CSMD1: variants seen among roughly 807,000 people sequenced by gnomAD.
CSMD1 encodes CUB and sushi domain-containing protein 1.
A neutral mutation model predicts 417.5 loss-of-function variants in CSMD1; 213 were observed. The observed-to-expected ratio is 0.51, with a 90% CI of 0.46 to 0.57. CSMD1 has a LOEUF of 0.57. Ranked by LOEUF, CSMD1 falls within the 20% of genes least tolerant of loss-of-function variation. The pLI is 0.00. For missense variants in CSMD1, 6,923 were observed against 4,529.7 expected (o/e 1.53, Z -15.17); for synonymous variants, 2,862 against 1,736.8 (o/e 1.65, Z -16.11).
At chr8:3,929,069 A>G (rs528797256) in intron 5 of CSMD1, among the ~76,000 whole-genome samples, 1 of 150,606 alleles carries the variant, frequency 6.6e-6, no homozygotes, top group South Asian at 2.1e-4. Flanking sequence ...GCAGAAAATT[A>G]AAAGCACAGA....
chr8:4,331,235 G>A (rs190807279), intron 3 of CSMD1, among the ~76,000 whole-genome samples: 139 of 152,222 alleles, frequency 9.1e-4, no homozygotes, highest in African/African-American at 3.1e-3. Context: ...GAGTCCCTGT[G>A]GGAACCTCTT....
chr8:4,059,911 G>GA (rs1262882648), intron 3 of CSMD1, among the ~76,000 whole-genome samples: 3 of 151,602 alleles, frequency 2.0e-5, no homozygotes, highest in African/African-American at 7.3e-5. Flanking sequence ...CCAATCAATA[G>GA]AAAAAGAGGG....
At chr8:3,890,360 C>A (rs1315506007) in intron 5 of CSMD1, among the ~76,000 whole-genome samples, 5 of 152,020 alleles carry the variant, frequency 3.3e-5, no homozygotes, top group Non-Finnish European at 7.4e-5. Context: ...GGGTTTACTA[C>A]TTGGTAGGTA....
intron 3 of CSMD1, among the ~76,000 whole-genome samples, chr8:4,037,190 T>C (rs1226629401): frequency 6.6e-6 from 1 of 152,234 alleles, no homozygotes; most frequent in Non-Finnish European, 1.5e-5. Context: ...AGTGTTTTGA[T>C]CTTTAATATT....
chr8:4,418,200 C>A (rs547765411), intron 3 of CSMD1, among the ~76,000 whole-genome samples: 1 of 151,990 alleles, frequency 6.6e-6, no homozygotes, highest in South Asian at 2.1e-4. Flanking sequence ...CATTTCAAAT[C>A]GAAATACCAC....
At chr8:4,442,736 C>G (rs1217546) in intron 2 of CSMD1, among the ~76,000 whole-genome samples, 122,659 of 152,100 alleles carry the variant, frequency 0.81, 49,493 homozygotes, top group Middle Eastern at 0.89. Context: ...TACAATCAGT[C>G]ACTATTTTAT....
At chr8:4,969,899 G>C (rs934073468) in intron 1 of CSMD1, among the ~76,000 whole-genome samples, 2 of 152,072 alleles carry the variant, frequency 1.3e-5, no homozygotes, top group Non-Finnish European at 2.9e-5. Context: ...AATAAAGGTA[G>C]TTTAGAGTTT....
chr8:3,408,052 C>T lies in CSMD1; in HGVS notation c.1918G>A (p.Val640Ile). ...DVEPQFDFLAVKDDGISDITV... is the reference protein window; with the variant it reads ...DVEPQFDFLAIKDDGISDITV... ...ATGTCAGAAATGCCATCATCCTTGA[C>T]CGCGAGAAAGTCAAACTGAGGCTCA... The change falls in exon 14 of 70, where the codon GTC (valine) becomes ATC (isoleucine). Residue 640 changes from valine to isoleucine, a missense_variant. Val to Ile is a conservative substitution (Grantham distance 29). Transcript: ENST00000635120. 6.2e-7 allele frequency: 1 copy of T among 1,613,902 alleles called. No individual in the cohort carries two copies. The highest frequency in any genetic ancestry group is 1.1e-5 in the South Asian group (1 of 91,066).
At chr8:4,847,591 G>T (rs6558924) in intron 1 of CSMD1, among the ~76,000 whole-genome samples, 130,600 of 152,016 alleles carry the variant, frequency 0.86, 56,963 homozygotes, top group East Asian at 1. Context: ...ATTCTTTTCA[G>T]TTTTGCCTAA....
chr8:4,435,169 T>C (rs1447263206), intron 2 of CSMD1, among the ~76,000 whole-genome samples: 1 of 152,146 alleles, frequency 6.6e-6, no homozygotes, highest in African/African-American at 2.4e-5. Flanking sequence ...AATATAACAA[T>C]TTCAATAGGG....
chr8:3,552,210 T>A (rs1798946498), intron 10 of CSMD1, among the ~76,000 whole-genome samples: 1 of 152,076 alleles, frequency 6.6e-6, no homozygotes, highest in Admixed American at 6.6e-5. Flanking sequence ...AAGACAACAT[T>A]CTGATTTAGA....
intron 10 of CSMD1, among the ~76,000 whole-genome samples, chr8:3,526,646 C>T (rs1427139693): frequency 2.0e-5 from 3 of 152,138 alleles, no homozygotes; most frequent in African/African-American, 4.8e-5. Context: ...CCTTCCCGAT[C>T]GATATTTTAC....
At chr8:3,818,063 A>T (rs1049116685) in intron 5 of CSMD1, among the ~76,000 whole-genome samples, 2 of 152,126 alleles carry the variant, frequency 1.3e-5, no homozygotes, top group African/African-American at 4.8e-5. Flanking sequence ...GGCTTGGAGC[A>T]GGCATGGAGG....
At chr8:3,542,248 T>A (rs575787039) in intron 10 of CSMD1, among the ~76,000 whole-genome samples, 109 of 152,352 alleles carry the variant, frequency 7.2e-4, no homozygotes, top group African/African-American at 2.4e-3. Context: ...CATACTGTCA[T>A]AAATTCTTTA....
Position 3,662,008 on chromosome 8 carries a change from G to T in CSMD1, c.1010-45211C>A, listed in dbSNP as rs536839124. 5.3e-5 allele frequency among the ~76,000 whole-genome samples: 8 copies of T among 152,278 alleles called. No individual in the cohort carries two copies. In the South Asian group the frequency reaches 1.7e-3, roughly 32 times the overall value. ...GAGAGGAGCTACGCAGACCTTGATG[G>T]AAGAAGCGGGGGATTTTTACTCGAA... is the stretch of plus-strand genomic sequence containing the variant. On this transcript the variant is annotated intron_variant, in intron 7 of 69. Transcript: ENST00000635120.
At chr8:3,773,285 G>A (rs1048450441) in intron 5 of CSMD1, among the ~76,000 whole-genome samples, 1 of 152,106 alleles carries the variant, frequency 6.6e-6, no homozygotes, top group Non-Finnish European at 1.5e-5. Context: ...GATATAATAG[G>A]TTTGGGGAGA....
At chr8:4,388,113 G>C (rs1372343267) in intron 3 of CSMD1, among the ~76,000 whole-genome samples, 2 of 152,076 alleles carry the variant, frequency 1.3e-5, no homozygotes, top group Non-Finnish European at 2.9e-5. Context: ...AGCTGTCTCT[G>C]CCCAGCTAAA....
intron 5 of CSMD1, among the ~76,000 whole-genome samples, chr8:3,780,437 G>A (rs905622913): frequency 5.3e-5 from 8 of 152,198 alleles, no homozygotes; most frequent in Non-Finnish European, 1.2e-4. Flanking sequence ...TCACTAGTAA[G>A]AGTGGATTTC....
chr8:4,794,319 T>G (rs973405476), intron 1 of CSMD1, among the ~76,000 whole-genome samples: 2 of 152,236 alleles, frequency 1.3e-5, no homozygotes, highest in African/African-American at 4.8e-5. Flanking sequence ...AAAGAAGGTC[T>G]CTGCATTTCC....
Sources: allele counts gnomAD v4.1 joint callset (sites outside exome capture counted in the v4.1 genomes callset), GRCh38; gene constraint gnomAD v4.1.1; transcripts MANE v1.5; gene names NCBI Gene and HGNC (gene_info 2026-07-23, HGNC 2026-07-21).